The following FA2H variants were observed in gnomAD, a reference collection of about 807,000 sequenced individuals.
FA2H encodes the protein fatty acid 2-hydroxylase, also known as fatty acid alpha-hydroxylase.
In FA2H, 22 loss-of-function variants were observed where a neutral mutation model predicts 44.9. The observed-to-expected ratio is 0.49, with a 90% CI of 0.35 to 0.70. The LOEUF (loss-of-function observed/expected upper bound fraction) is 0.70. Among genes scored for constraint, FA2H ranks in the 30% least tolerant of loss-of-function variants. FA2H has a pLI of 0.01. For synonymous variants in FA2H, 243 were observed against 213.2 expected (o/e 1.14, Z -1.22); for missense variants, 501 against 504.9 (o/e 0.99, Z 0.07).
intron 5 of FA2H, chr16:74,716,851 G>A (rs796771319): frequency 1.0e-4 from 47 of 464,288 alleles, no homozygotes; most frequent in African/African-American, 8.4e-4. Flanking sequence ...GGCGGGATGG[G>A]CAGGATGGGC....
chr16:74,744,099 A>T (rs1036488719), intron 1 of FA2H, among the ~76,000 whole-genome samples: 2 of 152,184 alleles, frequency 1.3e-5, no homozygotes, highest in Admixed American at 1.3e-4. Flanking sequence ...TGCCAGGAGC[A>T]GCTGTGCCGC....
At position 74,716,713 on chromosome 16, in the gene FA2H, G is replaced by T. The variant is rs912602937; in HGVS notation, c.787-114C>A. 37 of 1,253,310 alleles carry T rather than the reference G, an allele frequency of 3.0e-5. No individual in the cohort carries two copies. The African/African-American group carries it at 5.3e-4, about 18-fold the overall frequency. 77.6% of individuals were successfully genotyped at this position (1,253,310 alleles called of 1,614,324 possible). On this transcript the variant is annotated intron_variant, in intron 5 of 6. Transcript: ENST00000219368. ...CACAGCGGCCCAGACATTCCACTGC[G>T]TAGGCTTGGCACCTTTGGTGGCTTT...
intron 2 of FA2H, among the ~76,000 whole-genome samples, chr16:74,733,660 G>T (rs1331411313): frequency 6.6e-6 from 1 of 152,222 alleles, no homozygotes; most frequent in African/African-American, 2.4e-5. Context: ...CAGTTGGCGG[G>T]ACCGGGTTTT....
intron 1 of FA2H, among the ~76,000 whole-genome samples, chr16:74,773,221 TATAAG>T (rs953631512): frequency 1.3e-5 from 2 of 152,198 alleles, no homozygotes; most frequent in Admixed American, 6.5e-5. Context: ...AGTACAGTAC[TATAAG>T]ATGTTTTGAG....
intron 1 of FA2H, among the ~76,000 whole-genome samples, chr16:74,751,997 T>A (rs1398066206): frequency 4.6e-5 from 7 of 152,196 alleles, no homozygotes. Context: ...ATCATTTCCA[T>A]AAATCAAATC....
chr16:74,766,696 T>C (rs1444306199), intron 1 of FA2H, among the ~76,000 whole-genome samples: 3 of 152,126 alleles, frequency 2.0e-5, no homozygotes, highest in African/African-American at 7.2e-5. Flanking sequence ...CTCTTCTTGC[T>C]CCAGTTACTC....
chr16:74,774,583 A>G lies in FA2H; in HGVS notation c.173T>C (p.Ile58Thr), dbSNP rs990027087. ...CGGCGGCCCGTCCAGGTCGGCGCTG[A>G]TGTCCTGGCCCGCCCTGGCCCGCAG... is the stretch of plus-strand genomic sequence containing the variant. ...QLLRARAGQD[I>T]SADLDGPPHR... The change falls in exon 1 of 7, where the codon ATC (isoleucine) becomes ACC (threonine). Residue 58 changes from isoleucine to threonine, a missense_variant. Transcript: ENST00000219368. 1 of 1,536,560 alleles carries G rather than the reference A, an allele frequency of 6.5e-7. No individual in the cohort carries two copies. Among genetic ancestry groups the G allele is most frequent in the Non-Finnish European group, 8.7e-7 (1 of 1,150,986 alleles).
At chr16:74,741,622 A>G (rs1188821445) in intron 1 of FA2H, among the ~76,000 whole-genome samples, 3 of 151,344 alleles carry the variant, frequency 2.0e-5, no homozygotes, top group African/African-American at 7.3e-5. Flanking sequence ...GACCACACCC[A>G]GCTAATTTTT....
intron 2 of FA2H, among the ~76,000 whole-genome samples, chr16:74,728,780 C>CTTTTT (rs935652907): frequency 8.5e-4 from 97 of 113,964 alleles, no homozygotes; most frequent in African/African-American, 1.0e-3. Context: ...TTATCTCTTT[C>CTTTTT]TTTTTTTTTT....
chr16:74,723,042 G>A (rs1961874010), intron 4 of FA2H, among the ~76,000 whole-genome samples: 1 of 152,152 alleles, frequency 6.6e-6, no homozygotes, highest in South Asian at 2.1e-4. Flanking sequence ...TGTGGCATAT[G>A]ACATTAGCTC....
intron 2 of FA2H, among the ~76,000 whole-genome samples, chr16:74,739,464 G>C (rs1219083519): frequency 6.6e-6 from 1 of 152,068 alleles, no homozygotes; most frequent in Non-Finnish European, 1.5e-5. Context: ...CATCTCACCA[G>C]TCTATGGGGT....
rs374119878 is a variant in FA2H at position 74,728,478 on chromosome 16, G to A, written c.364-1092C>T. ...GGGGGATTTGACAAGGGGGAGAGAG[G>A]AAAGGATGACAGGGAGTGTGGGCAC... On this transcript the variant is annotated intron_variant, in intron 2 of 6. Transcript: ENST00000219368. 9.9e-5 allele frequency among the ~76,000 whole-genome samples: 15 copies of A among 152,220 alleles called. No homozygotes were observed. In the South Asian group the frequency reaches 3.1e-3, roughly 32 times the overall value.
chr16:74,746,738 G>A (rs183411560), intron 1 of FA2H, among the ~76,000 whole-genome samples: 10 of 152,240 alleles, frequency 6.6e-5, no homozygotes, highest in African/African-American at 2.2e-4. Flanking sequence ...AGAGACAGAC[G>A]AGAGCAGGGG....
At chr16:74,732,878 C>T (rs1161128651) in intron 2 of FA2H, among the ~76,000 whole-genome samples, 3 of 152,198 alleles carry the variant, frequency 2.0e-5, no homozygotes, top group African/African-American at 7.2e-5. Context: ...GTCGTGGAAA[C>T]CGGAGCTAGA....
chr16:74,748,720 C>G (rs373447664), intron 1 of FA2H, among the ~76,000 whole-genome samples: 1 of 151,586 alleles, frequency 6.6e-6, no homozygotes, highest in Non-Finnish European at 1.5e-5. Flanking sequence ...GCACCACAAA[C>G]AAACAAGTCC....
chr16:74,753,768 A>T (rs1258371303), intron 1 of FA2H, among the ~76,000 whole-genome samples: 1 of 152,214 alleles, frequency 6.6e-6, no homozygotes, highest in East Asian at 1.9e-4. Flanking sequence ...TTATCCTTCT[A>T]GGACAATGGG....
chr16:74,751,888 G>C (rs56069843), intron 1 of FA2H, among the ~76,000 whole-genome samples: 31,537 of 152,082 alleles, frequency 0.21, 3,836 homozygotes, highest in Non-Finnish European at 0.26. Context: ...TATTCAATCA[G>C]TATTCAAAAT....
intron 2 of FA2H, among the ~76,000 whole-genome samples, chr16:74,731,252 A>G (rs983679511): frequency 1.4e-5 from 2 of 139,662 alleles, no homozygotes; most frequent in East Asian, 2.5e-4. Context: ...TCGCTGCCTC[A>G]GCCTCCTGAG....
At position 74,741,818 on chromosome 16, in the gene FA2H, G is replaced by T. The variant is rs371462923; in HGVS notation, c.271-1703C>A. Among the ~76,000 whole-genome samples, 4 of 90,016 alleles carry T rather than the reference G, an allele frequency of 4.4e-5. 1 individual carries two copies. Among genetic ancestry groups the T allele is most frequent in the African/African-American group, 1.8e-4 (4 of 22,260 alleles). 59.1% of individuals were successfully genotyped at this position (90,016 alleles called of 152,430 possible). ...TATATATATATATATATGTGTGTGT[G>T]TGTGTGTGTGTGTGTGTGTATGTGT... On this transcript the variant is annotated intron_variant, in intron 1 of 6. Transcript: ENST00000219368.
Sources: gnomAD v4.1 joint callset for allele counts (sites outside exome capture counted in the v4.1 genomes callset) on GRCh38, gnomAD v4.1.1 for gene constraint, MANE v1.5 for transcripts, NCBI Gene and HGNC (gene_info 2026-07-23, HGNC 2026-07-21) for gene names.